The following VPS13D variants were observed in gnomAD, a reference collection of about 807,000 sequenced individuals.
VPS13D encodes the protein vacuolar protein sorting 13 homolog D, also known as intermembrane lipid transfer protein VPS13D.
VPS13D carries 187 observed loss-of-function variants against 461.9 expected under a neutral mutation model. The ratio of observed to expected loss-of-function variants is 0.40; its 90% CI spans 0.36 to 0.46. The LOEUF (loss-of-function observed/expected upper bound fraction) is 0.46. Among genes scored for constraint, VPS13D ranks in the 20% least tolerant of loss-of-function variants. The pLI, the probability that VPS13D is intolerant of heterozygous loss-of-function variation, is 0.60. For synonymous variants in VPS13D, 1,951 were observed against 1,986.3 expected (o/e 0.98, Z 0.47); for missense variants, 4,711 against 5,364.9 (o/e 0.88, Z 3.81).
At chr1:12,500,083 AATT>A in intron 68 of VPS13D, 2 of 985,364 alleles carry the variant, frequency 2.0e-6, no homozygotes, top group African/African-American at 3.5e-5. Context: ...AATATTGTGT[AATT>A]ATTTCCCGAT....
chr1:12,377,685 T>C (rs535859551), intron 55 of VPS13D, among the ~76,000 whole-genome samples: 1 of 151,930 alleles, frequency 6.6e-6, no homozygotes, highest in African/African-American at 2.4e-5. Flanking sequence ...CCAGGCGTGA[T>C]GGTGCATGCC....
In VPS13D at chr1:12,283,001, A is replaced by C. The variant is rs1243490049; in HGVS notation, c.4899A>C (p.Gly1633=). The C allele has an allele frequency of 6.2e-7, 1 of 1,614,160 alleles. No individual in the cohort carries two copies. The change falls in exon 21 of 70, where the codon GGA becomes GGC. Residue 1633 remains glycine, a synonymous_variant. Transcript: ENST00000620676. ...CAGAGCTTCAGGTTCAGCTAAGTGG[A>C]GATCTGACTTTGGGGGCCCAAGGTC... is the stretch of plus-strand genomic sequence containing the variant. The part of the protein sequence containing the change: ...CISELQVQLS[G]DLTLGAQGLV...
Position 12,318,086 on chromosome 1 carries a change from C to A in VPS13D, c.7163C>A (p.Ser2388Tyr). The stretch of plus-strand genomic sequence containing the variant: ...TCTTTTTATAGATCTACCAAGGATT[C>A]CTCCTGCTTTACAGTAGTTCTCAAC... The part of the protein sequence containing the change: ...IELHFRSTKD[S>Y]SCFTVVLNNL... Residue 2388 changes from serine (S) to tyrosine (Y), a missense_variant, in exon 31 of 70, where the codon TCC becomes TAC. Around this residue, in one of 3 missense-constraint regions of VPS13D, gnomAD observed 4,411 missense variants for 4,937.8 expected, o/e 0.89. Transcript: ENST00000620676. 6.2e-7 allele frequency: 1 copy of A among 1,611,140 alleles called. No individual in the cohort carries two copies. Among genetic ancestry groups the A allele is most frequent in the Non-Finnish European group, 8.5e-7 (1 of 1,177,666 alleles).
chr1:12,467,537 A>G (rs1645504911), intron 67 of VPS13D, among the ~76,000 whole-genome samples: 1 of 152,242 alleles, frequency 6.6e-6, no homozygotes, highest in Non-Finnish European at 1.5e-5. Context: ...TTCCTCTCAC[A>G]GGAACGTAAG....
intron 60 of VPS13D, among the ~76,000 whole-genome samples, chr1:12,390,718 T>C (rs1249442557): frequency 1.3e-5 from 2 of 152,090 alleles, no homozygotes; most frequent in African/African-American, 2.4e-5. Flanking sequence ...GAGGGCTCAG[T>C]GTTGGTCTCT....
chr1:12,341,609 A>T (rs1393743692), intron 40 of VPS13D, among the ~76,000 whole-genome samples, 171 bp from the exon 41 acceptor site: 1 of 152,226 alleles, frequency 6.6e-6, no homozygotes, highest in Non-Finnish European at 1.5e-5. Context: ...AAATTCTCCC[A>T]TAGCAGCCAG....
chr1:12,431,741 A>G (rs1644994803), intron 65 of VPS13D, among the ~76,000 whole-genome samples: 2 of 151,974 alleles, frequency 1.3e-5, no homozygotes, highest in Admixed American at 6.6e-5. Flanking sequence ...GTCAAGGTCA[A>G]CTTACCGGAA....
intron 50 of VPS13D, 42 bp downstream of exon 50, chr1:12,358,643 C>T: frequency 6.2e-7 from 1 of 1,607,016 alleles, no homozygotes; most frequent in Non-Finnish European, 8.5e-7. Flanking sequence ...GAACCATTGG[C>T]CGATGACCTC....
chr1:12,427,242 T>TTTA (rs55913483), intron 65 of VPS13D, among the ~76,000 whole-genome samples: 24,438 of 128,526 alleles, frequency 0.19, 2,193 homozygotes, highest in South Asian at 0.24. Flanking sequence ...TTGTCATTAT[T>TTTA]TTATTATTAT....
rs561040278 is a variant in VPS13D, at chr1:12,447,368, A to C, written c.12334-8630A>C. 7.9e-5 allele frequency among the ~76,000 whole-genome samples: 12 copies of C among 152,326 alleles called. No homozygotes were observed. In the South Asian group the frequency reaches 2.5e-3, roughly 32 times the overall value. ...CAGCTTTATCTGTAAAATGAGCATA[A>C]TAATACTACCTCACAGGATTGTTGT... is the stretch of plus-strand genomic sequence containing the variant. On this transcript the variant is annotated intron_variant, in intron 65 of 69. Coordinates refer to ENST00000620676, the MANE Select transcript of VPS13D (RefSeq NM_015378.4).
chr1:12,285,784 G>A (rs993570223), intron 21 of VPS13D, among the ~76,000 whole-genome samples: 76 of 152,138 alleles, frequency 5.0e-4, no homozygotes, highest in African/African-American at 1.7e-3. Flanking sequence ...TTGGTGGATT[G>A]TAGAGGAATG....
intron 5 of VPS13D, among the ~76,000 whole-genome samples, chr1:12,247,104 G>A (rs1640576116): frequency 6.6e-6 from 1 of 152,116 alleles, no homozygotes; most frequent in Non-Finnish European, 1.5e-5. Flanking sequence ...CAATGTATGA[G>A]CATTTTGTTT....
chr1:12,495,990 G>GCGGC lies in VPS13D; in HGVS notation c.12663-1508_12663-1505dup, dbSNP rs1446224193. ...CAGCTTCTCTCCTGATGGGTTAGCA[G>GCGGC]CGGCCCCTCTACCGCCCTCCCCACT... is the stretch of plus-strand genomic sequence containing the variant. On this transcript the variant is annotated intron_variant, in intron 67 of 69. Coordinates refer to ENST00000620676, the MANE Select transcript of VPS13D (RefSeq NM_015378.4). This position sits in a 1 kb window ranked among gnomAD's most constrained non-coding sequence, Gnocchi z 4.0. Among the ~76,000 whole-genome samples the GCGGC allele has an allele frequency of 6.6e-6, 1 of 152,194 alleles. No individual in the cohort carries two copies. Among genetic ancestry groups the GCGGC allele is most frequent in the Non-Finnish European group, 1.5e-5 (1 of 68,036 alleles).
chr1:12,340,670 G>C (rs1643548613), intron 40 of VPS13D, among the ~76,000 whole-genome samples: 1 of 152,206 alleles, frequency 6.6e-6, no homozygotes, highest in Admixed American at 6.5e-5. Flanking sequence ...GCTTCCTGTA[G>C]ATGTCATTTT....
rs1643576384 is a variant in VPS13D, at chr1:12,341,903, A to AT, written c.8732+20dup. The stretch of plus-strand genomic sequence containing the variant: ...CCCACCAGGTAAGCAGTCAGTTTAT[A>AT]TTACCCCGAGTCATCTCTGCCACCA... On this transcript the variant is annotated intron_variant, in intron 41 of 69. Coordinates refer to ENST00000620676, the MANE Select transcript of VPS13D (RefSeq NM_015378.4). The AT allele has an allele frequency of 6.2e-7, 1 of 1,612,066 alleles. No individual in the cohort carries two copies. Among genetic ancestry groups the AT allele is most frequent in the African/African-American group, 1.3e-5 (1 of 74,970 alleles).
At chr1:12,455,072 G>A (rs888294744) in intron 65 of VPS13D, among the ~76,000 whole-genome samples, 2 of 152,182 alleles carry the variant, frequency 1.3e-5, no homozygotes, top group African/African-American at 2.4e-5. Context: ...AGTATGCCAG[G>A]ATAAATAAAA....
chr1:12,500,034 C>T (rs58228557), intron 68 of VPS13D: 1 of 985,400 alleles, frequency 1.0e-6, no homozygotes, highest in African/African-American at 1.7e-5. Context: ...AATGTTTCCA[C>T]ATTTTTTTCC....
chr1:12,284,173 G>A (rs1641895837), intron 21 of VPS13D, among the ~76,000 whole-genome samples: 2 of 152,158 alleles, frequency 1.3e-5, no homozygotes, highest in African/African-American at 2.4e-5. Flanking sequence ...GGGCAACAGC[G>A]TAACTGTTAA....
At chr1:12,443,847 T>C (rs1163847571) in intron 65 of VPS13D, among the ~76,000 whole-genome samples, 2 of 151,490 alleles carry the variant, frequency 1.3e-5, no homozygotes, top group Non-Finnish European at 2.9e-5. Context: ...AGTTTTGTTT[T>C]TCTTTTTTTT....
Sources: gnomAD v4.1 joint callset for allele counts (sites outside exome capture counted in the v4.1 genomes callset) on GRCh38, gnomAD v4.1.1 for gene constraint, gnomAD v4.1.1 regional missense constraint, Gnocchi (gnomAD v3.1) non-coding constraint, MANE v1.5 for transcripts, NCBI Gene and HGNC (gene_info 2026-07-23, HGNC 2026-07-21) for gene names.